The following ZFP36L1 variants were observed in gnomAD, a reference collection of about 807,000 sequenced individuals.
ZFP36L1 encodes ZFP36 like 1 zinc finger CCCH-type.
Under a neutral mutation model 16.7 loss-of-function variants are expected in ZFP36L1, and 4 were observed. That is an observed-to-expected ratio of 0.24 (90% confidence interval 0.12 to 0.55). ZFP36L1 has a LOEUF of 0.55. ZFP36L1 is among the 20% of genes least tolerant of loss of function. The probability of loss-of-function intolerance (pLI) is 0.94; values close to 1 mark genes in which losing one functional copy is unlikely to be tolerated. For synonymous variants in ZFP36L1, 220 were observed against 190.8 expected, an observed-to-expected ratio of 1.15 and a Z score of -1.26; for missense variants, 311 against 449.2, an observed-to-expected ratio of 0.69 and a Z score of 2.78.
rs1478381912 is a variant in ZFP36L1 at position 68,789,997 on chromosome 14, G to C, written c.553C>G (p.Leu185Val). The part of the protein sequence containing the change: ...FIHNAEERRA[L>V]AGARDLSADR... Reference sequence around the variant, plus strand: ...GCGGAGAGGTCCCGGGCCCCGGCCAGGGCACGGCGCTCTTCAGCGTTGTGG... The same window carrying C: ...GCGGAGAGGTCCCGGGCCCCGGCCACGGCACGGCGCTCTTCAGCGTTGTGG... The change falls in exon 2 of 2, where the codon CTG becomes GTG. Residue 185 changes from leucine to valine, a missense_variant. By Grantham distance (32) the Leu-to-Val change is conservative. This residue lies in a region of ZFP36L1 where 147 missense variants were observed against 192.0 expected (regional missense o/e 0.77). Coordinates refer to ENST00000439696, the MANE Select transcript of ZFP36L1 (RefSeq NM_004926.4). The surrounding 1 kb of genome is among the most constrained non-coding windows in gnomAD (Gnocchi z 4.5). 2 of 1,607,522 alleles carry C rather than the reference G, an allele frequency of 1.2e-6. No homozygotes were observed. The highest frequency in any genetic ancestry group is 2.7e-5 in the African/African-American group (2 of 74,656).
chr14:68,791,354 T>C (rs1178169932), intron 1 of ZFP36L1: 4 of 468,368 alleles, frequency 8.5e-6, no homozygotes, highest in Non-Finnish European at 1.5e-5. Context: ...ACCCACCTCC[T>C]AGTCAATAGC....
In ZFP36L1 at chr14:68,792,885, G is replaced by C; in HGVS notation, c.54C>G (p.Cys18Trp). 1 of 1,614,084 alleles carries C rather than the reference G, an allele frequency of 6.2e-7. No homozygotes were observed. The highest frequency in any genetic ancestry group is 8.5e-7 in the Non-Finnish European group (1 of 1,179,988). ...ATIFDLSEVL[C>W]KGNKMLNYSA... Reference sequence around the variant, plus strand: ...CAAATGCTCCGCCCCCCTTTACCTTGCATAAAACTTCGCTCAAGTCGAAGA... The same window carrying C: ...CAAATGCTCCGCCCCCCTTTACCTTCCATAAAACTTCGCTCAAGTCGAAGA... The change falls in exon 1 of 2, where the codon TGC becomes TGG. Residue 18 changes from cysteine to tryptophan, a missense_variant. Cys to Trp is a radical substitution (Grantham distance 215, BLOSUM62 -2). This residue lies in a region of ZFP36L1 where 137 missense variants were observed against 142.6 expected (regional missense o/e 0.96). Coordinates refer to ENST00000439696, the MANE Select transcript of ZFP36L1 (RefSeq NM_004926.4).
chr14:68,790,474 A>G lies in ZFP36L1; in HGVS notation c.76T>C (p.Tyr26His), dbSNP rs1452999472. Residue 26 changes from tyrosine to histidine, a missense_variant, in exon 2 of 2, where the codon TAT becomes CAT. Around this residue, in one of 4 missense-constraint regions of ZFP36L1, gnomAD observed 137 missense variants for 142.6 expected, o/e 0.96. Coordinates refer to ENST00000439696, the MANE Select transcript of ZFP36L1 (RefSeq NM_004926.4). ...CAACCCCCTGCACTGGGAGCACTAT[A>G]GTTGAGCATCTTGTTACCCTGGAGA... is the stretch of plus-strand genomic sequence containing the variant. ...VLCKGNKMLNYSAPSAGGCLL... is the reference protein window; with the variant it reads ...VLCKGNKMLNHSAPSAGGCLL... The G allele has an allele frequency of 6.2e-7, 1 of 1,614,104 alleles. No homozygotes were observed. The highest frequency in any genetic ancestry group is 1.1e-5 in the South Asian group (1 of 91,082).
upstream of ZFP36L1, chr14:68,795,946 G>C (rs961005812): frequency 2.4e-6 from 3 of 1,240,850 alleles, no homozygotes; most frequent in African/African-American, 4.6e-5. Context: ...CCCAGGGGTG[G>C]CGGGAGGGCG....
chr14:68,793,603 G>C (rs191446495), upstream of ZFP36L1: 3 of 985,970 alleles, frequency 3.0e-6, no homozygotes, highest in East Asian at 1.1e-4. Flanking sequence ...TTTCCATCTT[G>C]AGCTGGCGGT....
At chr14:68,791,509 G>A (rs1007089369) in intron 1 of ZFP36L1, among the ~76,000 whole-genome samples, 2 of 152,162 alleles carry the variant, frequency 1.3e-5, no homozygotes, top group Non-Finnish European at 2.9e-5. Flanking sequence ...GCCCATGTGG[G>A]TGTCATTGTG....
At chr14:68,794,031 G>T, upstream of ZFP36L1, 1 of 762,830 alleles carries the variant, frequency 1.3e-6, no homozygotes, top group Non-Finnish European at 1.6e-6. Flanking sequence ...AAACTTTTTA[G>T]TCAAGAAAAC....
intron 1 of ZFP36L1, chr14:68,791,311 G>C (rs1022031065): frequency 4.0e-6 from 2 of 501,776 alleles, no homozygotes; most frequent in African/African-American, 3.9e-5. Flanking sequence ...CAAAGCTGCA[G>C]ATGGAAAGGA....
chr14:68,790,867 G>T, intron 1 of ZFP36L1: 1 of 476,792 alleles, frequency 2.1e-6, no homozygotes, highest in Non-Finnish European at 3.8e-6. Context: ...ACCGCACCCC[G>T]CCCCCGCCAC....
chr14:68,792,888 T>C lies in ZFP36L1; in HGVS notation c.51A>G (p.Leu17=). 2.5e-6 allele frequency: 4 copies of C among 1,613,978 alleles called. No individual in the cohort carries two copies. The highest frequency in any genetic ancestry group is 3.4e-6 in the Non-Finnish European group (4 of 1,179,930). ...ATGCTCCGCCCCCCTTTACCTTGCA[T>C]AAAACTTCGCTCAAGTCGAAGATGG... ...SATIFDLSEV[L]CKGNKMLNYS... The change falls in exon 1 of 2, where the codon TTA becomes TTG. Residue 17 remains leucine, a synonymous_variant. Coordinates refer to ENST00000439696, the MANE Select transcript of ZFP36L1 (RefSeq NM_004926.4).
At position 68,788,659 on chromosome 14, in the gene ZFP36L1, T is replaced by G. The variant is rs1336886742; in HGVS notation, c.*874A>C. 6.6e-6 allele frequency: 1 copy of G among 152,324 alleles called. No individual in the cohort carries two copies. The highest frequency in any genetic ancestry group is 1.5e-5 in the Non-Finnish European group (1 of 67,976). The allele number at this position is 152,324 out of a possible 1,614,324, so 9.4% of individuals were successfully genotyped here. ...ATTTTTTTTAAAAAGATGTCACATA[T>G]GAACTGGGGAACTTTAGCACCAAAA... On this transcript the variant is annotated 3_prime_UTR_variant, in exon 2 of 2. Transcript: ENST00000439696.
At chr14:68,791,069 GGGA>G in intron 1 of ZFP36L1, 1 of 702,054 alleles carries the variant, frequency 1.4e-6, no homozygotes, top group African/African-American at 1.7e-5. Flanking sequence ...TTTTCTTGTG[GGGA>G]GGAGATTGGG....
intron 1 of ZFP36L1, among the ~76,000 whole-genome samples, chr14:68,792,547 T>A: frequency 1.3e-5 from 2 of 152,092 alleles, no homozygotes; most frequent in South Asian, 2.1e-4. Flanking sequence ...AAACCTGGGA[T>A]CCAGCAGCAC....
intron 1 of ZFP36L1, chr14:68,791,364 C>A: frequency 2.2e-6 from 1 of 460,062 alleles, no homozygotes; most frequent in Non-Finnish European, 3.8e-6. Context: ...TAGTCAATAG[C>A]GGATTGGGGG....
At chr14:68,795,892 G>T (rs768672446), upstream of ZFP36L1, 31 of 781,026 alleles carry the variant, frequency 4.0e-5, no homozygotes, top group Non-Finnish European at 6.4e-5. Flanking sequence ...GAGGGCCCGA[G>T]GGCGGGAGCC....
rs1357834789 is a variant in ZFP36L1, at chr14:68,790,228, C to T, written c.322G>A (p.Gly108Ser). 1.2e-6 allele frequency: 2 copies of T among 1,612,726 alleles called. No individual in the cohort carries two copies. Among genetic ancestry groups the T allele is most frequent in the Admixed American group, 1.7e-5 (1 of 60,014 alleles). Residue 108 changes from glycine (G) to serine (S), a missense_variant, in exon 2 of 2, where the codon GGC becomes AGC. By Grantham distance (56) the Gly-to-Ser change is moderately conservative (BLOSUM62 0). Transcript: ENST00000439696. The stretch of plus-strand genomic sequence containing the variant: ...TTGTAGCGGCTGGAGTTGACCTGGC[C>T]GCCCCCGGGCTGCTTCTGGGTGGGC... ...LLPTQKQPGG[G>S]QVNSSRYKTE...
chr14:68,792,873 C>T lies in ZFP36L1; in HGVS notation c.57+9G>A. 4 of 1,614,084 alleles carry T rather than the reference C, an allele frequency of 2.5e-6. No homozygotes were observed. Among genetic ancestry groups the T allele is most frequent in the Non-Finnish European group, 3.4e-6 (4 of 1,179,978 alleles). ...CTTTTTGAAAAGCAAATGCTCCGCC[C>T]CCCTTTACCTTGCATAAAACTTCGC... On this transcript the variant is annotated intron_variant, in intron 1 of 1. Coordinates refer to ENST00000439696, the MANE Select transcript of ZFP36L1 (RefSeq NM_004926.4).
chr14:68,789,908 G>A lies in ZFP36L1; in HGVS notation c.642C>T (p.Ala214=), dbSNP rs1011551304. The change falls in exon 2 of 2, where the codon GCC becomes GCT. Residue 214 remains alanine (A), a synonymous_variant. Coordinates refer to ENST00000439696, the MANE Select transcript of ZFP36L1 (RefSeq NM_004926.4). This position sits in a 1 kb window ranked among gnomAD's most constrained non-coding sequence, Gnocchi z 4.5. The part of the protein sequence containing the change: ...FAGFPSAAAT[A]AATGLLDSPT... ...GGCTGTCCAGCAGCCCGGTGGCAGC[G>A]GCGGTGGCAGCGGCACTGGGAAACC... 2.0e-5 allele frequency: 32 copies of A among 1,609,150 alleles called. No individual in the cohort carries two copies. The highest frequency in any genetic ancestry group is 1.6e-4 in the Middle Eastern group (1 of 6,074).
intron 1 of ZFP36L1, among the ~76,000 whole-genome samples, chr14:68,792,328 T>G (rs1895103214): frequency 6.6e-6 from 1 of 152,180 alleles, no homozygotes; most frequent in African/African-American, 2.4e-5. Flanking sequence ...TAGGGCGGAC[T>G]CAAGCCCCAC....
Sources: gnomAD v4.1 joint callset for allele counts (sites outside exome capture counted in the v4.1 genomes callset) on GRCh38, gnomAD v4.1.1 for gene constraint, gnomAD v4.1.1 regional missense constraint, Gnocchi (gnomAD v3.1) non-coding constraint, MANE v1.5 for transcripts, NCBI Gene and HGNC (gene_info 2026-07-23, HGNC 2026-07-21) for gene names.